The following GTSE1 variants were observed in gnomAD, a reference collection of about 807,000 sequenced individuals.
GTSE1 encodes G2 and S-phase expressed 1, also known as G2 and S phase-expressed protein 1.
GTSE1 carries 52 observed loss-of-function variants against 60.5 expected under a neutral mutation model. The observed-to-expected ratio is 0.86, with a 90% CI of 0.69 to 1.08. The LOEUF (loss-of-function observed/expected upper bound fraction) is 1.08. Ranked by LOEUF, GTSE1 falls within the 50% of genes least tolerant of loss-of-function variation. GTSE1 has a pLI of 0.00. For synonymous variants in GTSE1, 368 were observed against 386.5 expected, an observed-to-expected ratio of 0.95 and a Z score of 0.56; for missense variants, 937 against 961.8, an observed-to-expected ratio of 0.97 and a Z score of 0.34.
rs1385783478 is a variant in GTSE1, at chr22:46,322,158, G to A, written c.1433-1032G>A. On this transcript the variant is annotated intron_variant, in intron 7 of 11. Transcript: ENST00000454366. ...TTTCTGAGGAGATCTGGTTTAAAGC[G>A]GGGCAGGGACGTGGGACAGGAGCTT... Among the ~76,000 whole-genome samples the A allele has an allele frequency of 3.9e-5, 6 of 152,128 alleles. No individual in the cohort carries two copies. The South Asian group carries it at 8.3e-4, about 21-fold the overall frequency.
Position 46,308,901 on chromosome 22 carries a change from G to A in GTSE1, c.720G>A (p.Ala240=), listed in dbSNP as rs548602439. 2.0e-5 allele frequency: 33 copies of A among 1,612,922 alleles called. No individual in the cohort carries two copies. The highest frequency in any genetic ancestry group is 2.5e-5 in the Non-Finnish European group (30 of 1,179,972). The change falls in exon 4 of 12, where the codon GCG becomes GCA. Residue 240 remains alanine, a synonymous_variant. Coordinates refer to ENST00000454366, the MANE Select transcript of GTSE1 (RefSeq NM_016426.7). Reference sequence around the variant, plus strand: ...GGACCAAATTGCTGCTGCCTCGAGCGGCCTCTGTTAGAGGAAGAAGCATCC... The same window carrying A: ...GGACCAAATTGCTGCTGCCTCGAGCAGCCTCTGTTAGAGGAAGAAGCATCC... ...KPGTKLLLPR[A]ASVRGRSIPG...
rs2077704669 is a variant in GTSE1 at position 46,304,245 on chromosome 22, C to T, written c.80-3905C>T. Among the ~76,000 whole-genome samples, 1 of 152,130 alleles carries T rather than the reference C, an allele frequency of 6.6e-6. No homozygotes were observed. The highest frequency in any genetic ancestry group is 2.1e-4 in the South Asian group (1 of 4,826). On this transcript the variant is annotated intron_variant, in intron 2 of 11. Transcript: ENST00000454366. This position sits in a 1 kb window ranked among gnomAD's most constrained non-coding sequence, Gnocchi z 4.4. ...TGGGCCTCAAGTGATCCTCCTTGGC[C>T]TCCCATAGTGCTGGGATTACAGGCA...
chr22:46,304,167 T>A lies in GTSE1; in HGVS notation c.80-3983T>A, dbSNP rs2077704196. On this transcript the variant is annotated intron_variant, in intron 2 of 11. Transcript: ENST00000454366. The surrounding 1 kb of genome is among the most constrained non-coding windows in gnomAD (Gnocchi z 4.4). ...ACCATACCCCGCTCATTTTTTTTTTTCTTTTTGTAGAGCTGGGGTCTCGCT... is the reference window on the plus strand; with the variant it reads ...ACCATACCCCGCTCATTTTTTTTTTACTTTTTGTAGAGCTGGGGTCTCGCT... Among the ~76,000 whole-genome samples, 5 of 152,130 alleles carry A rather than the reference T, an allele frequency of 3.3e-5. No individual in the cohort carries two copies. The South Asian group carries it at 1.0e-3, about 32-fold the overall frequency.
chr22:46,315,741 G>A (rs940362925), intron 6 of GTSE1, among the ~76,000 whole-genome samples: 3 of 152,176 alleles, frequency 2.0e-5, no homozygotes, highest in Admixed American at 6.5e-5. Context: ...CTCAACTAAT[G>A]TAGATTTCTC....
At position 46,318,243 on chromosome 22, in the gene GTSE1, CCT is replaced by C. The variant is rs2077792354; in HGVS notation, c.1432+1834_1432+1835del. 6.6e-6 allele frequency among the ~76,000 whole-genome samples: 1 copy of C among 152,184 alleles called. No homozygotes were observed. The highest frequency in any genetic ancestry group is 2.4e-5 in the African/African-American group (1 of 41,436). ...TAAGGTGAGAGGAGCGTCCTGGCCT[CCT>C]CTGTCAGGCAGATCTGCCCTCTGGG... On this transcript the variant is annotated intron_variant, in intron 7 of 11. Coordinates refer to ENST00000454366, the MANE Select transcript of GTSE1 (RefSeq NM_016426.7). This position sits in a 1 kb window ranked among gnomAD's most constrained non-coding sequence, Gnocchi z 4.8.
At chr22:46,322,600 G>A (rs934354383) in intron 7 of GTSE1, among the ~76,000 whole-genome samples, 1 of 152,170 alleles carries the variant, frequency 6.6e-6, no homozygotes, top group South Asian at 2.1e-4. Flanking sequence ...GCCTTAGCTC[G>A]GTAACTGGTG....
At chr22:46,303,096 T>G (rs950488275) in intron 2 of GTSE1, among the ~76,000 whole-genome samples, 1 of 151,776 alleles carries the variant, frequency 6.6e-6, no homozygotes, top group African/African-American at 2.4e-5. Flanking sequence ...GAGATGGGGT[T>G]TCACCGTGTT....
chr22:46,306,644 C>A (rs952503035), intron 2 of GTSE1, among the ~76,000 whole-genome samples: 13 of 152,126 alleles, frequency 8.5e-5, no homozygotes, highest in Admixed American at 4.6e-4. Context: ...CCACGCTCGG[C>A]TAATTTTTTT....
Position 46,318,019 on chromosome 22 carries a change from C to T in GTSE1, c.1432+1607C>T, listed in dbSNP as rs1385467642. The stretch of plus-strand genomic sequence containing the variant: ...CTTGGGTTCCTAGAGCTCGTTCTGT[C>T]GGAGTAGCCCCCTCCTCTCTAGTTT... On this transcript the variant is annotated intron_variant, in intron 7 of 11. Coordinates refer to ENST00000454366, the MANE Select transcript of GTSE1 (RefSeq NM_016426.7). This position sits in a 1 kb window ranked among gnomAD's most constrained non-coding sequence, Gnocchi z 4.8. Among the ~76,000 whole-genome samples the T allele has an allele frequency of 1.3e-5, 2 of 152,240 alleles. No individual in the cohort carries two copies. Among genetic ancestry groups the T allele is most frequent in the East Asian group, 1.9e-4 (1 of 5,200 alleles).
At position 46,321,845 on chromosome 22, in the gene GTSE1, C is replaced by T. The variant is rs1341112532; in HGVS notation, c.1433-1345C>T. On this transcript the variant is annotated intron_variant, in intron 7 of 11. Coordinates refer to ENST00000454366, the MANE Select transcript of GTSE1 (RefSeq NM_016426.7). The surrounding 1 kb of genome is among the most constrained non-coding windows in gnomAD (Gnocchi z 4.0). ...ATCCCAGCACTTTGGGAGGCCGAGG[C>T]GGGCAATCACTTGAGGTCAGGAGTT... Among the ~76,000 whole-genome samples, 3 of 151,960 alleles carry T rather than the reference C, an allele frequency of 2.0e-5. No individual in the cohort carries two copies. Among genetic ancestry groups the T allele is most frequent in the African/African-American group, 4.8e-5 (2 of 41,376 alleles).
At position 46,297,994 on chromosome 22, in the gene GTSE1, G is replaced by T. The variant is rs1042727702; in HGVS notation, c.79+515G>T. On this transcript the variant is annotated intron_variant, in intron 2 of 11. Transcript: ENST00000454366. The surrounding 1 kb of genome is among the most constrained non-coding windows in gnomAD (Gnocchi z 4.9). Reference sequence around the variant, plus strand: ...TTTATTTATTTATTGACGGAGTCTCGCTCTCTCACCCAGGCTGGAGTGCAA... The same window carrying T: ...TTTATTTATTTATTGACGGAGTCTCTCTCTCTCACCCAGGCTGGAGTGCAA... 1.3e-5 allele frequency among the ~76,000 whole-genome samples: 2 copies of T among 151,810 alleles called. No individual in the cohort carries two copies. The highest frequency in any genetic ancestry group is 2.9e-5 in the Non-Finnish European group (2 of 67,984).
rs1309967880 is a variant in GTSE1, at chr22:46,329,759, C to T, written c.2136+192C>T. ...ATCAGCTGCCTCTGAGGTGCCCTGC[C>T]AGGACCCTGCCAGCTCTTGTTGGAC... On this transcript the variant is annotated intron_variant, in intron 11 of 11. Transcript: ENST00000454366. This position sits in a 1 kb window ranked among gnomAD's most constrained non-coding sequence, Gnocchi z 6.4. 6.6e-6 allele frequency among the ~76,000 whole-genome samples: 1 copy of T among 152,202 alleles called. No individual in the cohort carries two copies. Among genetic ancestry groups the T allele is most frequent in the Non-Finnish European group, 1.5e-5 (1 of 68,030 alleles).
At position 46,314,047 on chromosome 22, in the gene GTSE1, C is replaced by T. The variant is rs917993876; in HGVS notation, c.1051+34C>T. ...GCCGGCATCATGCTTGGACCCACATCTGGCCAGGTGAGGCCTGGAGTGCTG... is the reference window on the plus strand; with the variant it reads ...GCCGGCATCATGCTTGGACCCACATTTGGCCAGGTGAGGCCTGGAGTGCTG... On this transcript the variant is annotated intron_variant, in intron 6 of 11. Coordinates refer to ENST00000454366, the MANE Select transcript of GTSE1 (RefSeq NM_016426.7). The surrounding 1 kb of genome is among the most constrained non-coding windows in gnomAD (Gnocchi z 7.1). 6.8e-6 allele frequency: 11 copies of T among 1,612,178 alleles called. No individual in the cohort carries two copies. The African/African-American group carries it at 1.3e-4, about 20-fold the overall frequency.
chr22:46,306,461 G>A (rs1406207643), intron 2 of GTSE1, among the ~76,000 whole-genome samples: 1 of 149,656 alleles, frequency 6.7e-6, no homozygotes, highest in Admixed American at 6.7e-5. Context: ...GATTACAGGC[G>A]TGAGCCATTG....
At chr22:46,299,959 ATTTTTTTTTTT>A (rs130640) in intron 2 of GTSE1, among the ~76,000 whole-genome samples, 2 of 100,210 alleles carry the variant, frequency 2.0e-5, no homozygotes, top group African/African-American at 4.0e-5. Context: ...CGCCCAGCTA[ATTTTTTTTTTT>A]TTTTTTTTTT....
chr22:46,297,618 T>G lies in GTSE1; in HGVS notation c.79+139T>G. 1.6e-6 allele frequency: 1 copy of G among 637,930 alleles called. No homozygotes were observed. Among genetic ancestry groups the G allele is most frequent in the South Asian group, 1.9e-5 (1 of 52,724 alleles). 39.5% of individuals were successfully genotyped at this position (637,930 alleles called of 1,614,324 possible). A position where few individuals can be genotyped will look rare whatever the true frequency, so the allele number is the denominator to read the frequency against. On this transcript the variant is annotated intron_variant, in intron 2 of 11. Transcript: ENST00000454366. The surrounding 1 kb of genome is among the most constrained non-coding windows in gnomAD (Gnocchi z 4.9). Reference sequence around the variant, plus strand: ...CCTGTGAAACACATGACATCTGCCTTCGTTTTCTGGTTTTCTTTCACCTCC... The same window carrying G: ...CCTGTGAAACACATGACATCTGCCTGCGTTTTCTGGTTTTCTTTCACCTCC...
Position 46,321,239 on chromosome 22 carries a change from G to T in GTSE1, c.1433-1951G>T, listed in dbSNP as rs148286098. Among the ~76,000 whole-genome samples the T allele has an allele frequency of 2.0e-5, 3 of 152,108 alleles. No homozygotes were observed. The highest frequency in any genetic ancestry group is 7.2e-5 in the African/African-American group (3 of 41,424). On this transcript the variant is annotated intron_variant, in intron 7 of 11. Transcript: ENST00000454366. The surrounding 1 kb of genome is among the most constrained non-coding windows in gnomAD (Gnocchi z 4.0). ...AGCCTGGGCGACACAGTGAGACCCC[G>T]ATTCTACAAAAACATTTAGCTGGGC...
intron 2 of GTSE1, among the ~76,000 whole-genome samples, chr22:46,299,277 G>A (rs972016894): frequency 2.0e-5 from 3 of 152,166 alleles, no homozygotes; most frequent in African/African-American, 4.8e-5. Context: ...TTGTGCTTTC[G>A]CCCTCAGGGC....
At chr22:46,323,107 T>C in intron 7 of GTSE1, 83 bp from the exon 8 acceptor site, 1 of 887,712 alleles carries the variant, frequency 1.1e-6, no homozygotes, top group Non-Finnish European at 1.9e-6. Flanking sequence ...ACTCGGAGAA[T>C]TGCCCATTCG....
Sources: allele counts gnomAD v4.1 joint callset (sites outside exome capture counted in the v4.1 genomes callset), GRCh38; gene constraint gnomAD v4.1.1; non-coding constraint Gnocchi (gnomAD v3.1); transcripts MANE v1.5; gene names NCBI Gene and HGNC (gene_info 2026-07-23, HGNC 2026-07-21).